Variants in SLC25A48 observed in about 807,000 individuals in gnomAD.
The protein encoded by SLC25A48 is CTC-321K16.1.
In SLC25A48, 29 loss-of-function variants were observed where a neutral mutation model predicts 32.2. The observed-to-expected ratio is 0.90, with a 90% confidence interval of 0.67 to 1.23. The LOEUF is 1.23. Ranked by LOEUF, SLC25A48 falls within the 50% of genes most tolerant of loss-of-function variation. The pLI, the probability that SLC25A48 is intolerant of heterozygous loss-of-function variation, is 0.00. For missense variants in SLC25A48, 399 were observed against 422.7 expected, an observed-to-expected ratio of 0.94 and a Z score of 0.49; for synonymous variants, 164 against 172.3, an observed-to-expected ratio of 0.95 and a Z score of 0.38.
intron 3 of SLC25A48, among the ~76,000 whole-genome samples, chr5:135,741,051 A>G (rs1439620189): frequency 2.0e-5 from 3 of 152,226 alleles, no homozygotes; most frequent in Admixed American, 6.5e-5. Flanking sequence ...AACATTTACT[A>G]TTTGTCAGGC....
chr5:135,794,618 A>G (rs1165624945), intron 3 of SLC25A48, among the ~76,000 whole-genome samples: 1 of 151,634 alleles, frequency 6.6e-6, no homozygotes, highest in East Asian at 1.9e-4. Flanking sequence ...ATTTAGGTGG[A>G]GAGAGAATAA....
chr5:135,733,951 G>A (rs1285782435), intron 3 of SLC25A48, among the ~76,000 whole-genome samples: 6 of 152,132 alleles, frequency 3.9e-5, no homozygotes, highest in Non-Finnish European at 7.4e-5. Context: ...CAATTTGGTT[G>A]ATAAGGCGCA....
chr5:135,607,934 A>G (rs1751977060), intron 1 of SLC25A48, among the ~76,000 whole-genome samples: 1 of 152,244 alleles, frequency 6.6e-6, no homozygotes, highest in African/African-American at 2.4e-5. Context: ...GTCTCCTTAC[A>G]TTATTCTGCC....
intron 1 of SLC25A48, among the ~76,000 whole-genome samples, chr5:135,593,499 C>T (rs1019948920): frequency 6.6e-6 from 1 of 152,200 alleles, no homozygotes; most frequent in African/African-American, 2.4e-5. Context: ...ATCTGGGAAG[C>T]AATTCCATTT....
chr5:135,625,701 G>A (rs966786417), intron 1 of SLC25A48, among the ~76,000 whole-genome samples: 6 of 152,108 alleles, frequency 3.9e-5, no homozygotes, highest in Non-Finnish European at 8.8e-5. Context: ...TGTTTTTAAG[G>A]CCTTCTGAGG....
intron 4 of SLC25A48, among the ~76,000 whole-genome samples, chr5:135,814,701 T>A (rs907974903): frequency 1.3e-5 from 2 of 152,234 alleles, no homozygotes; most frequent in Non-Finnish European, 2.9e-5. Context: ...GTGCTCTGAA[T>A]CCCCAGCCCT....
At chr5:135,771,522 G>C (rs961469954) in intron 3 of SLC25A48, among the ~76,000 whole-genome samples, 3 of 150,426 alleles carry the variant, frequency 2.0e-5, no homozygotes, top group Admixed American at 1.3e-4. Context: ...GTGGGGAGAC[G>C]GTGATATTAC....
chr5:135,852,609 C>T lies in SLC25A48; in HGVS notation c.209C>T (p.Ala70Val). 1 of 1,607,142 alleles carries T rather than the reference C, an allele frequency of 6.2e-7. No individual in the cohort carries two copies. Reference sequence around the variant, plus strand: ...ATGTCCTTCCCCCTCGCCAGCATTGCCGTCTACAACTCCGTGGTGTTTGGG... The same window carrying T: ...ATGTCCTTCCCCCTCGCCAGCATTGTCGTCTACAACTCCGTGGTGTTTGGG... ...KGMSFPLASI[A>V]VYNSVVFGVF... Residue 70 changes from alanine (A) to valine (V), a missense_variant, in exon 4 of 8, where the codon GCC (alanine) becomes GTC (valine). By Grantham distance (64) the Ala-to-Val change is moderately conservative (BLOSUM62 0). Transcript: ENST00000681962.
intron 3 of SLC25A48, among the ~76,000 whole-genome samples, chr5:135,851,990 G>C (rs551976727): frequency 6.6e-6 from 1 of 152,276 alleles, no homozygotes; most frequent in East Asian, 1.9e-4. Context: ...GGCACCCCTC[G>C]GGGGTCTAGG....
chr5:135,867,714 T>C (rs923436883), intron 4 of SLC25A48, among the ~76,000 whole-genome samples: 5 of 152,234 alleles, frequency 3.3e-5, no homozygotes, highest in Non-Finnish European at 7.3e-5. Context: ...TTAGGTTTGT[T>C]GGACTTTGGG....
chr5:135,613,007 A>G (rs946468820), intron 1 of SLC25A48, among the ~76,000 whole-genome samples: 1 of 152,174 alleles, frequency 6.6e-6, no homozygotes, highest in Non-Finnish European at 1.5e-5. Context: ...ACTGCTTTCT[A>G]TAGTGCCTGT....
chr5:135,721,740 G>C (rs1754961119), intron 3 of SLC25A48, among the ~76,000 whole-genome samples: 1 of 152,222 alleles, frequency 6.6e-6, no homozygotes, highest in Non-Finnish European at 1.5e-5. Flanking sequence ...GGGTGCAGGT[G>C]AAGGGGAGGA....
At chr5:135,850,969 T>C (rs1759808941) in intron 3 of SLC25A48, among the ~76,000 whole-genome samples, 9 of 152,226 alleles carry the variant, frequency 5.9e-5, no homozygotes. Flanking sequence ...GAAAACTGAA[T>C]GATGCTTTGT....
At chr5:135,644,443 C>T (rs983701018) in intron 3 of SLC25A48, among the ~76,000 whole-genome samples, 2 of 152,094 alleles carry the variant, frequency 1.3e-5, no homozygotes, top group African/African-American at 4.8e-5. Flanking sequence ...ATCTGATGAA[C>T]CCCAGGTGCA....
chr5:135,732,362 A>G lies in SLC25A48; in HGVS notation c.-520-80161A>G, dbSNP rs1755246549. 2.0e-5 allele frequency among the ~76,000 whole-genome samples: 3 copies of G among 152,174 alleles called. No homozygotes were observed. The South Asian group carries it at 6.2e-4, about 32-fold the overall frequency. On this transcript the variant is annotated intron_variant, in intron 3 of 10. Transcript: ENST00000646290. ...TATGTCTGACAAAAGGGAAGAAATG[A>G]CCACGGTGGCCTTCTGAGGCCCTGT...
intron 3 of SLC25A48, among the ~76,000 whole-genome samples, chr5:135,808,575 T>A (rs1757523894): frequency 6.6e-6 from 1 of 152,102 alleles, no homozygotes; most frequent in Non-Finnish European, 1.5e-5. Flanking sequence ...CCCTCCTGTA[T>A]GTGACATCCC....
chr5:135,887,936 A>G (rs1186658322), intron 7 of SLC25A48, 96 bp from the exon 8 acceptor site: 9 of 1,165,798 alleles, frequency 7.7e-6, no homozygotes, highest in South Asian at 1.3e-5. Context: ...AGTGCAAAAC[A>G]TAGGGGTTAG....
intron 3 of SLC25A48, among the ~76,000 whole-genome samples, chr5:135,794,323 T>C (rs1181826316): frequency 1.3e-5 from 2 of 151,502 alleles, no homozygotes; most frequent in Non-Finnish European, 2.9e-5. Context: ...GGTGAGAGGA[T>C]AGTATTACTC....
intron 1 of SLC25A48, among the ~76,000 whole-genome samples, chr5:135,841,358 C>T (rs1185024304): frequency 1.3e-5 from 2 of 152,166 alleles, no homozygotes; most frequent in Non-Finnish European, 1.5e-5. Flanking sequence ...GATGTCTTCA[C>T]TTTTGTGTGC....
Sources: allele counts gnomAD v4.1 joint callset (sites outside exome capture counted in the v4.1 genomes callset), GRCh38; gene constraint gnomAD v4.1.1; transcripts MANE v1.5; gene names NCBI Gene and HGNC (gene_info 2026-07-23, HGNC 2026-07-21).